The following UBXN2A variants were observed in gnomAD, a reference collection of about 807,000 sequenced individuals.
UBXN2A encodes UBX domain-containing protein 2A.
In UBXN2A, 28 loss-of-function variants were observed where a neutral mutation model predicts 28.4. The observed-to-expected ratio is 0.99, with a 90% CI of 0.73 to 1.35. UBXN2A has a LOEUF of 1.35. Ranked by LOEUF, UBXN2A falls within the 40% of genes most tolerant of loss-of-function variation. The pLI is 0.00. For synonymous variants in UBXN2A, 97 were observed against 103.6 expected (o/e 0.94, Z 0.39); for missense variants, 253 against 297.9 (o/e 0.85, Z 1.11).
In UBXN2A at chr2:23,994,170, A is replaced by C. The variant is rs572295118; in HGVS notation, c.585-5502A>C. ...CTCTCCTACTCAAAAATCAGCTGTC[A>C]GCCTTTTTCTTGCTCTTTTGAAAGA... On this transcript the variant is annotated intron_variant, in intron 6 of 6. Coordinates refer to ENST00000309033, the MANE Select transcript of UBXN2A (RefSeq NM_181713.4). Among the ~76,000 whole-genome samples, 32 of 152,310 alleles carry C rather than the reference A, an allele frequency of 2.1e-4. No individual in the cohort carries two copies. In the Middle Eastern group the frequency reaches 0.01, roughly 49 times the overall value.
At chr2:23,932,959 G>T (rs994161264) in intron 1 of UBXN2A, among the ~76,000 whole-genome samples, 1 of 152,026 alleles carries the variant, frequency 6.6e-6, no homozygotes, top group Non-Finnish European at 1.5e-5. Flanking sequence ...AAAATAATTA[G>T]CTGGGCATGG....
chr2:23,985,006 A>G (rs960192551), intron 6 of UBXN2A, among the ~76,000 whole-genome samples, 175 bp downstream of exon 6: 8 of 151,972 alleles, frequency 5.3e-5, no homozygotes, highest in African/African-American at 1.7e-4. Flanking sequence ...GATTCAAGCA[A>G]TCCTCCCACC....
intron 1 of UBXN2A, among the ~76,000 whole-genome samples, chr2:23,945,778 G>A (rs1023782737): frequency 2.0e-5 from 3 of 150,756 alleles, no homozygotes; most frequent in Non-Finnish European, 3.0e-5. Context: ...ATTGTAATGT[G>A]CAATTTTTAA....
chr2:23,987,357 C>T (rs775842509), intron 6 of UBXN2A, among the ~76,000 whole-genome samples: 2 of 152,052 alleles, frequency 1.3e-5, no homozygotes, highest in African/African-American at 2.4e-5. Context: ...TAACCACTGT[C>T]CTAAATTTGT....
rs186620777 is a variant in UBXN2A, at chr2:23,961,871, G to T, written c.41+3516G>T. Among the ~76,000 whole-genome samples the T allele has an allele frequency of 2.2e-3, 323 of 147,280 alleles. 1 individual carries two copies. The highest frequency in any genetic ancestry group is 7.6e-3 in the African/African-American group (304 of 39,900). The stretch of plus-strand genomic sequence containing the variant: ...TTTTTTTTTTATTTTTTGAGACAGA[G>T]TCTTGCTCTGTCACCCAGGCTGGAG... On this transcript the variant is annotated intron_variant, in intron 2 of 6. Coordinates refer to ENST00000309033, the MANE Select transcript of UBXN2A (RefSeq NM_181713.4).
chr2:23,971,934 C>G (rs1374793994), intron 3 of UBXN2A, among the ~76,000 whole-genome samples: 4 of 151,922 alleles, frequency 2.6e-5, no homozygotes, highest in African/African-American at 9.7e-5. Flanking sequence ...CCCATCTCTA[C>G]AAAAGAATAA....
At position 23,951,413 on chromosome 2, in the gene UBXN2A, GATATATATATATAT is replaced by G. The variant is rs57701448; in HGVS notation, c.-14-6850_-14-6837del. On this transcript the variant is annotated intron_variant, in intron 1 of 6. Transcript: ENST00000309033. ...ATTATAATTGATATACAGTAAGATGGATATATATATATATATATATATATATATATATATATATA... is the reference window on the plus strand; with the variant it reads ...ATTATAATTGATATACAGTAAGATGGATATATATATATATATATATATATA... 3.4e-3 allele frequency among the ~76,000 whole-genome samples: 374 copies of G among 109,852 alleles called. 5 individuals carry two copies. The highest frequency in any genetic ancestry group is 6.7e-3 in the African/African-American group (162 of 24,346). The allele number at this position is 109,852 out of a possible 152,430, so 72.1% of individuals were successfully genotyped here.
In UBXN2A at chr2:23,999,874, ATAGACTAAG is replaced by A. The variant is rs768756879; in HGVS notation, c.*9_*17del. 11 of 1,606,832 alleles carry A rather than the reference ATAGACTAAG, an allele frequency of 6.8e-6. No individual in the cohort carries two copies. The highest frequency in any genetic ancestry group is 9.3e-6 in the Non-Finnish European group (11 of 1,176,642). On this transcript the variant is annotated 3_prime_UTR_variant, in exon 7 of 7. Coordinates refer to ENST00000309033, the MANE Select transcript of UBXN2A (RefSeq NM_181713.4). ...AGAACTTTCAGAGCACTGATTTTTG[ATAGACTAAG>A]TGGAAAATTTGCAGAGAAATGATGG...
At chr2:23,965,269 A>T (rs1707115242) in intron 2 of UBXN2A, among the ~76,000 whole-genome samples, 1 of 152,192 alleles carries the variant, frequency 6.6e-6, no homozygotes, top group Admixed American at 6.5e-5. Context: ...AGGAATGGTG[A>T]GACGCAGCAT....
chr2:23,978,311 A>C (rs1269205294), intron 4 of UBXN2A, among the ~76,000 whole-genome samples: 1 of 152,068 alleles, frequency 6.6e-6, no homozygotes, highest in African/African-American at 2.4e-5. Flanking sequence ...CTCTGACCCT[A>C]CTCTGGCTTG....
chr2:24,003,851 A>G lies in UBXN2A; in HGVS notation c.*3984A>G, dbSNP rs1045598107. Reference sequence around the variant, plus strand: ...AGAAAATGTTTCATATAGGCCTATCATGTAGCATTTTTATTTGCATAATTA... The same window carrying G: ...AGAAAATGTTTCATATAGGCCTATCGTGTAGCATTTTTATTTGCATAATTA... On this transcript the variant is annotated 3_prime_UTR_variant, in exon 7 of 7. Coordinates refer to ENST00000309033, the MANE Select transcript of UBXN2A (RefSeq NM_181713.4). The G allele has an allele frequency of 1.3e-5, 2 of 152,140 alleles. No individual in the cohort carries two copies. The highest frequency in any genetic ancestry group is 1.3e-4 in the Admixed American group (2 of 15,248). 9.4% of individuals were successfully genotyped at this position (152,140 alleles called of 1,614,324 possible). A position where few individuals can be genotyped will look rare whatever the true frequency, so the allele number is the denominator to read the frequency against.
intron 2 of UBXN2A, among the ~76,000 whole-genome samples, 175 bp from the exon 3 acceptor site, chr2:23,971,101 T>A (rs1366610995): frequency 6.6e-6 from 1 of 152,162 alleles, no homozygotes; most frequent in Non-Finnish European, 1.5e-5. Context: ...GAGAAAACCA[T>A]GCTCTGGACT....
At chr2:23,993,477 C>G (rs967410973) in intron 6 of UBXN2A, among the ~76,000 whole-genome samples, 3 of 152,090 alleles carry the variant, frequency 2.0e-5, no homozygotes, top group African/African-American at 7.2e-5. Flanking sequence ...GCCACTGCCC[C>G]TGGCCAACAA....
At chr2:23,944,104 A>C (rs767254538) in intron 1 of UBXN2A, 1 of 717,468 alleles carries the variant, frequency 1.4e-6, no homozygotes, top group East Asian at 2.9e-5. Flanking sequence ...TCTTTTTGGC[A>C]TGTCAGCCCT....
chr2:23,944,382 C>A, intron 1 of UBXN2A: 1 of 1,380,004 alleles, frequency 7.2e-7, no homozygotes, highest in Non-Finnish European at 1.0e-6. Context: ...CATCTTCCTA[C>A]ACATTATTGT....
chr2:23,990,412 T>C (rs747029661), intron 6 of UBXN2A, among the ~76,000 whole-genome samples: 13 of 151,672 alleles, frequency 8.6e-5, no homozygotes, highest in Non-Finnish European at 1.5e-4. Flanking sequence ...CCATGTAAAC[T>C]TGGACTGTTA....
intron 6 of UBXN2A, among the ~76,000 whole-genome samples, chr2:23,992,938 G>T (rs992858578): frequency 2.0e-5 from 3 of 152,132 alleles, no homozygotes; most frequent in Non-Finnish European, 2.9e-5. Flanking sequence ...TTCTGGTTTT[G>T]TGGGGTTTTT....
At chr2:23,949,531 G>A (rs1706260251) in intron 1 of UBXN2A, among the ~76,000 whole-genome samples, 2 of 151,640 alleles carry the variant, frequency 1.3e-5, no homozygotes, top group African/African-American at 2.4e-5. Flanking sequence ...CTGGGCAACA[G>A]AGCAAGACTT....
intron 2 of UBXN2A, among the ~76,000 whole-genome samples, chr2:23,963,471 CAAA>C (rs563195167): frequency 6.8e-5 from 7 of 102,296 alleles, no homozygotes; most frequent in Admixed American, 1.1e-4. Flanking sequence ...GACAGTGTCT[CAAA>C]AAAAAAAAAA....
Sources: gnomAD v4.1 joint callset for allele counts (sites outside exome capture counted in the v4.1 genomes callset) on GRCh38, gnomAD v4.1.1 for gene constraint, MANE v1.5 for transcripts, NCBI Gene and HGNC (gene_info 2026-07-23, HGNC 2026-07-21) for gene names.